Variants in NSRP1 observed in about 807,000 individuals in gnomAD.
NSRP1 encodes the protein coiled-coil domain containing 55.
NSRP1 carries 24 observed loss-of-function variants against 54.7 expected under a neutral mutation model. That is an observed-to-expected ratio of 0.44 (90% CI 0.32 to 0.62). The LOEUF is 0.62. NSRP1 is among the 20% of genes least tolerant of loss of function. The pLI, the probability that NSRP1 is intolerant of heterozygous loss-of-function variation, is 0.06. For missense variants in NSRP1, 596 were observed against 651.2 expected (o/e 0.92, Z 0.92); for synonymous variants, 210 against 213.8 (o/e 0.98, Z 0.15).
At chr17:30,178,982 A>G in intron 4 of NSRP1, 108 bp from the exon 5 acceptor site, 1 of 616,334 alleles carries the variant, frequency 1.6e-6, no homozygotes, top group Non-Finnish European at 2.5e-6. Context: ...AGGGAAGACA[A>G]TCTTATTTGG....
At position 30,172,553 on chromosome 17, in the gene NSRP1, T is replaced by C. The variant is rs751226389; in HGVS notation, c.126T>C (p.Ser42=). ...TTTCTGTTTTACAGACCTCTGTGAG[T>C]GAAAGCCTTCAGAGGGAAGCTGCTA... ...DSDDDDETSV[S]ESLQREAAKK... The change falls in exon 3 of 7, where the codon AGT becomes AGC. Residue 42 remains serine (S), a synonymous_variant. Transcript: ENST00000247026. 11 of 1,609,782 alleles carry C rather than the reference T, an allele frequency of 6.8e-6. No homozygotes were observed. Among genetic ancestry groups the C allele is most frequent in the Non-Finnish European group, 9.3e-6 (11 of 1,177,568 alleles).
chr17:30,138,917 T>TTTTG (rs2071775610), intron 2 of NSRP1, among the ~76,000 whole-genome samples: 1 of 130,720 alleles, frequency 7.6e-6, no homozygotes, highest in Non-Finnish European at 1.7e-5. Flanking sequence ...GCGTTTTTTT[T>TTTTG]TTTTTTTTTT....
At chr17:30,163,216 TG>T (rs1904594569) in intron 2 of NSRP1, 1 of 144,712 alleles carries the variant, frequency 6.9e-6, no homozygotes, top group Non-Finnish European at 1.5e-5. Context: ...TGTGTGTGTG[TG>T]TGTGTGTGTG....
chr17:30,141,504 T>G (rs904141574), intron 2 of NSRP1, among the ~76,000 whole-genome samples: 1 of 152,190 alleles, frequency 6.6e-6, no homozygotes, highest in Non-Finnish European at 1.5e-5. Flanking sequence ...GACTTCTGTT[T>G]TTTTGTAGTT....
At chr17:30,163,248 T>TGTGTGTGTGTGTG (rs1567801745) in intron 2 of NSRP1, 2 of 131,368 alleles carry the variant, frequency 1.5e-5, no homozygotes, top group African/African-American at 7.3e-5. Context: ...TGTGTGTGTG[T>TGTGTGTGTGTGTG]TTTTAGTAGA....
At chr17:30,138,720 G>A (rs2151885777) in intron 2 of NSRP1, among the ~76,000 whole-genome samples, 1 of 152,032 alleles carries the variant, frequency 6.6e-6, no homozygotes, top group Non-Finnish European at 1.5e-5. Flanking sequence ...TAGTAATTCT[G>A]TGTTTAAGTT....
intron 6 of NSRP1, among the ~76,000 whole-genome samples, chr17:30,181,597 G>GTTTT (rs35525133): frequency 7.4e-6 from 1 of 135,368 alleles, no homozygotes; most frequent in African/African-American, 2.8e-5. Flanking sequence ...TGTGTGTGTG[G>GTTTT]TTTTTTTTTT....
intron 2 of NSRP1, among the ~76,000 whole-genome samples, chr17:30,157,705 A>G (rs920442972): frequency 6.6e-6 from 1 of 151,574 alleles, no homozygotes; most frequent in African/African-American, 2.4e-5. Flanking sequence ...ATTGTTCTAT[A>G]CTCTATGTCC....
At chr17:30,127,998 C>A in intron 2 of NSRP1, 2 of 395,412 alleles carry the variant, frequency 5.1e-6, no homozygotes, top group Admixed American at 8.8e-5. Context: ...CCATGCCTGG[C>A]TAATTTTTTA....
chr17:30,184,538 A>ATATGAACC, intron 6 of NSRP1, 77 bp from the exon 7 acceptor site: 1 of 1,477,764 alleles, frequency 6.8e-7, no homozygotes, highest in Non-Finnish European at 9.0e-7. Flanking sequence ...GATAAAAATT[A>ATATGAACC]TATGAACCCT....
At chr17:30,124,928 G>T (rs2071636849) in intron 2 of NSRP1, among the ~76,000 whole-genome samples, 1 of 152,250 alleles carries the variant, frequency 6.6e-6, no homozygotes, top group South Asian at 2.1e-4. Flanking sequence ...GCCAGTCATG[G>T]TGGCTCAGGC....
chr17:30,162,548 C>G (rs187386140), intron 2 of NSRP1, among the ~76,000 whole-genome samples: 142 of 152,154 alleles, frequency 9.3e-4, no homozygotes, highest in Non-Finnish European at 1.7e-3. Context: ...GTTCTCAGCA[C>G]GACAGAAAAT....
intron 2 of NSRP1, chr17:30,168,728 A>C (rs1358867559): frequency 6.6e-6 from 1 of 151,596 alleles, no homozygotes; most frequent in Non-Finnish European, 1.5e-5. Flanking sequence ...AGATCATTTT[A>C]TATATTTTTA....
intron 2 of NSRP1, among the ~76,000 whole-genome samples, chr17:30,167,753 G>GT (rs1904789166): frequency 6.6e-6 from 1 of 152,114 alleles, no homozygotes; most frequent in African/African-American, 2.4e-5. Context: ...GAAGGAATCT[G>GT]TTTTTCATTG....
chr17:30,121,371 A>G (rs902626694), intron 2 of NSRP1, among the ~76,000 whole-genome samples: 1 of 151,730 alleles, frequency 6.6e-6, no homozygotes, highest in African/African-American at 2.4e-5. Context: ...ATGGGGAAAA[A>G]TGTGAGCGAT....
intron 2 of NSRP1, among the ~76,000 whole-genome samples, chr17:30,146,845 C>A (rs183322935): frequency 6.6e-6 from 1 of 152,174 alleles, no homozygotes; most frequent in Non-Finnish European, 1.5e-5. Context: ...CCCACCTGGG[C>A]CTCACAAGGT....
intron 2 of NSRP1, among the ~76,000 whole-genome samples, chr17:30,132,310 T>G (rs2071708106): frequency 6.7e-6 from 1 of 149,794 alleles, no homozygotes; most frequent in Non-Finnish European, 1.5e-5. Context: ...CCCAGCACTT[T>G]GGGAGACTGA....
chr17:30,171,972 A>ACACACACACTCTCTCTCT (rs1169988659), intron 2 of NSRP1, among the ~76,000 whole-genome samples: 2 of 46,582 alleles, frequency 4.3e-5, no homozygotes, highest in Non-Finnish European at 1.1e-4. Flanking sequence ...ACACACACAC[A>ACACACACACTCTCTCTCT]CTCCCTCTCT....
At chr17:30,152,020 C>T (rs530069971) in intron 2 of NSRP1, among the ~76,000 whole-genome samples, 3 of 152,084 alleles carry the variant, frequency 2.0e-5, no homozygotes, top group Non-Finnish European at 2.9e-5. Flanking sequence ...CTACCTGCCT[C>T]GGTCTCCCAA....
Sources: gnomAD v4.1 joint callset for allele counts (sites outside exome capture counted in the v4.1 genomes callset) on GRCh38, gnomAD v4.1.1 for gene constraint, MANE v1.5 for transcripts, NCBI Gene and HGNC (gene_info 2026-07-23, HGNC 2026-07-21) for gene names.